MYO18B: variants seen among roughly 807,000 people sequenced by gnomAD.
MYO18B encodes the protein unconventional myosin-XVIIIb.
In MYO18B, 204 loss-of-function variants were observed where a neutral mutation model predicts 273.0. The ratio of observed to expected loss-of-function variants is 0.75; its 90% CI spans 0.67 to 0.84. The LOEUF is 0.84. MYO18B is among the 40% of genes least tolerant of loss of function. The probability of loss-of-function intolerance (pLI) is 0.00; values close to 1 mark genes in which losing one functional copy is unlikely to be tolerated. For synonymous variants in MYO18B, 1,330 were observed against 1,305.7 expected (o/e 1.02, Z -0.40); for missense variants, 3,212 against 3,287.6 (o/e 0.98, Z 0.56).
intron 11 of MYO18B, among the ~76,000 whole-genome samples, chr22:25,789,636 GA>G (rs34025331): frequency 1.3e-5 from 2 of 148,698 alleles, no homozygotes; most frequent in African/African-American, 4.9e-5. Context: ...ACTGTCTCAA[GA>G]AAAAAAAAAT....
intron 39 of MYO18B, among the ~76,000 whole-genome samples, chr22:25,961,026 G>A (rs1234640910): frequency 6.6e-6 from 1 of 151,928 alleles, no homozygotes; most frequent in African/African-American, 2.4e-5. Context: ...GAGGAAAGAA[G>A]GGAAAGGAAG....
intron 39 of MYO18B, among the ~76,000 whole-genome samples, chr22:25,985,998 C>T (rs1281111835): frequency 2.0e-5 from 3 of 152,212 alleles, no homozygotes; most frequent in African/African-American, 7.2e-5. Context: ...GGCAAGTGAC[C>T]CTCGGACAAT....
downstream of MYO18B, among the ~76,000 whole-genome samples, chr22:26,035,343 G>GGA (rs921390399): frequency 2.0e-5 from 3 of 152,212 alleles, no homozygotes; most frequent in Non-Finnish European, 4.4e-5. Context: ...CAGATTGAGA[G>GGA]GAGAGACTCC....
At chr22:26,017,067 T>A (rs1269760771) in intron 42 of MYO18B, among the ~76,000 whole-genome samples, 1 of 94,274 alleles carries the variant, frequency 1.1e-5, no homozygotes, top group African/African-American at 4.4e-5. Context: ...CTTCCTTCCT[T>A]CCTTCCTCTC....
At chr22:25,988,257 A>G (rs1181224423) in intron 39 of MYO18B, among the ~76,000 whole-genome samples, 1 of 151,996 alleles carries the variant, frequency 6.6e-6, no homozygotes, top group Non-Finnish European at 1.5e-5. Flanking sequence ...GCCTAATGAA[A>G]TGGTCTCTGC....
At position 25,808,822 on chromosome 22, in the gene MYO18B, C is replaced by T. The variant is rs191290095; in HGVS notation, c.2521+10725C>T. 8.5e-5 allele frequency among the ~76,000 whole-genome samples: 13 copies of T among 152,260 alleles called. No homozygotes were observed. The East Asian group carries it at 2.5e-3, about 29-fold the overall frequency. On this transcript the variant is annotated intron_variant, in intron 12 of 43. Coordinates refer to ENST00000335473, the MANE Select transcript of MYO18B (RefSeq NM_032608.7). The stretch of plus-strand genomic sequence containing the variant: ...CCTGCCTCCTAGGGTTCTTGTGAGG[C>T]TGACATTATTGAACTTGAGTATTTA...
intron 21 of MYO18B, among the ~76,000 whole-genome samples, chr22:25,852,221 G>A (rs764828528): frequency 5.3e-4 from 80 of 152,136 alleles, no homozygotes; most frequent in Admixed American, 1.0e-3. Flanking sequence ...TGGAGCACTC[G>A]TTCCCCGAAT....
In MYO18B at chr22:25,896,175, A is replaced by G. The variant is rs2091795900; in HGVS notation, c.4668+895A>G. Reference sequence around the variant, plus strand: ...GCGGCATGTAAAAATTGTCAATTGGATCTCTAAACCCACATGAGGCTTAGA... The same window carrying G: ...GCGGCATGTAAAAATTGTCAATTGGGTCTCTAAACCCACATGAGGCTTAGA... On this transcript the variant is annotated intron_variant, in intron 28 of 43. Coordinates refer to ENST00000335473, the MANE Select transcript of MYO18B (RefSeq NM_032608.7). 2.0e-5 allele frequency: 3 copies of G among 152,042 alleles called. No individual in the cohort carries two copies. In the South Asian group the frequency reaches 6.2e-4, roughly 31 times the overall value. 9.4% of individuals were successfully genotyped at this position (152,042 alleles called of 1,614,324 possible). A position where few individuals can be genotyped will look rare whatever the true frequency, so the allele number is the denominator to read the frequency against.
intron 39 of MYO18B, among the ~76,000 whole-genome samples, chr22:25,978,503 C>T (rs916195918): frequency 3.9e-5 from 6 of 152,054 alleles, no homozygotes; most frequent in African/African-American, 1.4e-4. Context: ...ACTTGATATG[C>T]GAAACAACAA....
intron 32 of MYO18B, among the ~76,000 whole-genome samples, chr22:25,910,425 C>A (rs145114659): frequency 1.3e-5 from 2 of 152,258 alleles, no homozygotes; most frequent in African/African-American, 4.8e-5. Flanking sequence ...AATTACTTCC[C>A]TAAGGCCCCA....
intron 38 of MYO18B, among the ~76,000 whole-genome samples, chr22:25,954,677 C>T (rs550408531): frequency 8.5e-5 from 13 of 152,180 alleles, no homozygotes; most frequent in East Asian, 1.9e-4. Flanking sequence ...CTCATAAATA[C>T]GCTACACTGC....
chr22:25,797,159 C>T (rs376092855), intron 11 of MYO18B, among the ~76,000 whole-genome samples: 23 of 152,218 alleles, frequency 1.5e-4, no homozygotes, highest in South Asian at 1.2e-3. Flanking sequence ...CCCGGGGGCG[C>T]GGAGGTTGCA....
chr22:25,752,393 T>C (rs1464299654), intron 1 of MYO18B, among the ~76,000 whole-genome samples: 1 of 151,410 alleles, frequency 6.6e-6, no homozygotes, highest in Non-Finnish European at 1.5e-5. Flanking sequence ...TTCACCGTTT[T>C]AGCCGGGATG....
In MYO18B at chr22:25,763,234, C is replaced by G. The variant is rs372043469; in HGVS notation, c.43C>G (p.Arg15Gly). 2.5e-6 allele frequency: 4 copies of G among 1,607,842 alleles called. No individual in the cohort carries two copies. Among genetic ancestry groups the G allele is most frequent in the Non-Finnish European group, 3.4e-6 (4 of 1,175,862 alleles). ...SRLALWEQKI[R>G]EEDKSPPPSS... ...TTTCCTTGCTTCTGCAAAACAGATT[C>G]GGGAAGAGGACAAGAGCCCTCCACC... The change falls in exon 3 of 44, where the codon CGG becomes GGG. Residue 15 changes from arginine to glycine, a missense_variant. Transcript: ENST00000335473.
intron 43 of MYO18B, among the ~76,000 whole-genome samples, chr22:26,029,877 G>C (rs1158479072): frequency 6.6e-6 from 1 of 152,158 alleles, no homozygotes; most frequent in African/African-American, 2.4e-5. Context: ...GAGATTCCTG[G>C]AATAGAGCAT....
At chr22:25,871,974 A>G (rs941796387) in intron 22 of MYO18B, among the ~76,000 whole-genome samples, 5 of 115,636 alleles carry the variant, frequency 4.3e-5, no homozygotes, top group South Asian at 7.1e-4. Context: ...AACTTTGATC[A>G]TTGATTTTTT....
chr22:25,815,923 G>A (rs1005553302), intron 12 of MYO18B, among the ~76,000 whole-genome samples: 1 of 152,122 alleles, frequency 6.6e-6, no homozygotes, highest in African/African-American at 2.4e-5. Context: ...TAAGGTTCGG[G>A]CAATGATTCA....
the MYO18B span, among the ~76,000 whole-genome samples, chr22:26,039,974 G>C: frequency 2.8e-4 from 42 of 152,272 alleles, 1 homozygote; most frequent in Admixed American, 2.6e-3. Context: ...ACAGGTGCAT[G>C]ATACCAACTC....
chr22:25,960,941 G>C (rs1002742107), intron 39 of MYO18B, among the ~76,000 whole-genome samples: 5 of 152,050 alleles, frequency 3.3e-5, no homozygotes, highest in Admixed American at 3.3e-4. Context: ...TTCAGGCCTG[G>C]AGTTCAAGAC....
Sources: gnomAD v4.1 joint callset for allele counts (sites outside exome capture counted in the v4.1 genomes callset) on GRCh38, gnomAD v4.1.1 for gene constraint, MANE v1.5 for transcripts, NCBI Gene and HGNC (gene_info 2026-07-23, HGNC 2026-07-21) for gene names.